ARRDC5: variants seen among roughly 807,000 people sequenced by gnomAD.
ARRDC5 encodes arrestin domain-containing protein 5.
In ARRDC5, 12 loss-of-function variants were observed where a neutral mutation model predicts 13.3. The ratio of observed to expected loss-of-function variants is 0.90; its 90% CI spans 0.58 to 1.46. The LOEUF (loss-of-function observed/expected upper bound fraction) is 1.46, where lower values mean the gene tolerates loss of function less well. ARRDC5 is among the 40% of genes most tolerant of loss of function. The pLI, the probability that ARRDC5 is intolerant of heterozygous loss-of-function variation, is 0.00. For missense variants in ARRDC5, 406 were observed against 418.7 expected (o/e 0.97, Z 0.26); for synonymous variants, 181 against 173.4 (o/e 1.04, Z -0.34).
At chr19:4,906,752 C>CAAAAAGAAAAAGAA (rs1013086630), upstream of ARRDC5, among the ~76,000 whole-genome samples, 2 of 151,892 alleles carry the variant, frequency 1.3e-5, no homozygotes. Context: ...GACTCCATCT[C>CAAAAAGAAAAAGAA]AAAAAGAAAA....
chr19:4,908,113 T>C, the ARRDC5 span, among the ~76,000 whole-genome samples: 1 of 152,220 alleles, frequency 6.6e-6, no homozygotes, highest in African/African-American at 2.4e-5. Context: ...AAGGACATTG[T>C]GCCCACCTGG....
intron 1 of ARRDC5, among the ~76,000 whole-genome samples, chr19:4,897,488 G>T (rs1265661670): frequency 1.3e-5 from 2 of 152,140 alleles, no homozygotes; most frequent in South Asian, 2.1e-4. Flanking sequence ...GAAAGTGGAA[G>T]TCAGGCCTTC....
chr19:4,891,154 G>A lies in ARRDC5; in HGVS notation c.879C>T (p.Ser293=), dbSNP rs1568392029. 2 of 1,614,000 alleles carry A rather than the reference G, an allele frequency of 1.2e-6. No individual in the cohort carries two copies. Among genetic ancestry groups the A allele is most frequent in the Non-Finnish European group, 1.7e-6 (2 of 1,179,884 alleles). ...TGATGATGGGAACTTTGGCCTTGAG[G>A]CTGGTCAGGGACCAGGGCAGGTGCA... ...TTVHLPWSLT[S]LKAKVPIIIT... Residue 293 remains serine (S), a synonymous_variant, in exon 3 of 3, where the codon AGC becomes AGT. Transcript: ENST00000650722.
the ARRDC5 span, among the ~76,000 whole-genome samples, chr19:4,914,435 C>T: frequency 3.3e-5 from 5 of 152,028 alleles, no homozygotes; most frequent in African/African-American, 9.7e-5. Context: ...GGCCTAGCAG[C>T]CCAAGGTCTG....
At chr19:4,894,703 A>G (rs919093238) in intron 2 of ARRDC5, among the ~76,000 whole-genome samples, 3 of 120,288 alleles carry the variant, frequency 2.5e-5, no homozygotes, top group South Asian at 3.1e-4. Flanking sequence ...AAAGAAGAAG[A>G]AGGAGAAGGA....
At chr19:4,909,912 G>A in the ARRDC5 span, among the ~76,000 whole-genome samples, 2 of 151,344 alleles carry the variant, frequency 1.3e-5, no homozygotes, top group African/African-American at 2.4e-5. Context: ...CTGGCGAGCC[G>A]CCGGGGAGGA....
chr19:4,902,520 T>A, intron 1 of ARRDC5, 53 bp downstream of exon 1: 1 of 1,567,600 alleles, frequency 6.4e-7, no homozygotes, highest in South Asian at 1.1e-5. Context: ...GTGTTTATTT[T>A]CCAGACCCAG....
chr19:4,900,467 C>T (rs933143933), intron 1 of ARRDC5, among the ~76,000 whole-genome samples: 6 of 152,206 alleles, frequency 3.9e-5, no homozygotes, highest in South Asian at 2.1e-4. Context: ...TTATTCTAAG[C>T]GCTTTATGTG....
intron 1 of ARRDC5, among the ~76,000 whole-genome samples, chr19:4,898,065 T>C (rs538504505): frequency 1.3e-5 from 2 of 151,986 alleles, no homozygotes; most frequent in East Asian, 1.9e-4. Context: ...CCAGCCTGGG[T>C]GACAGAGCGA....
At chr19:4,913,410 C>T in the ARRDC5 span, among the ~76,000 whole-genome samples, 3 of 151,770 alleles carry the variant, frequency 2.0e-5, no homozygotes, top group Admixed American at 1.3e-4. Context: ...CCCACCACCA[C>T]GCCTGATTAA....
At chr19:4,902,989 G>T, upstream of ARRDC5, 3 of 899,628 alleles carry the variant, frequency 3.3e-6, no homozygotes, top group Non-Finnish European at 5.0e-6. Flanking sequence ...TGTTGTTTAG[G>T]GTGGGTGGTT....
chr19:4,909,283 C>T, the ARRDC5 span: 1 of 532,764 alleles, frequency 1.9e-6, no homozygotes, highest in Non-Finnish European at 3.3e-6. Flanking sequence ...TGCCACGCAG[C>T]CCCTTTGCAC....
chr19:4,895,735 T>C (rs962650047), intron 2 of ARRDC5, among the ~76,000 whole-genome samples: 4 of 152,158 alleles, frequency 2.6e-5, no homozygotes, highest in Non-Finnish European at 5.9e-5. Flanking sequence ...TGTACATGCC[T>C]CTCTCCCACC....
In ARRDC5 at chr19:4,893,886, CAA is replaced by C. The variant is rs35680888; in HGVS notation, c.460-2315_460-2314del. On this transcript the variant is annotated intron_variant, in intron 2 of 2. Transcript: ENST00000650722. Reference sequence around the variant, plus strand: ...TGAAACCCCATCTCTACTAAAAATACAAAAAAAAAAAAATAGCCAGGCGTGGT... The same window carrying C: ...TGAAACCCCATCTCTACTAAAAATACAAAAAAAAAAATAGCCAGGCGTGGT... Among the ~76,000 whole-genome samples the C allele has an allele frequency of 1.4e-3, 194 of 139,992 alleles. 1 individual carries two copies. The highest frequency in any genetic ancestry group is 3.6e-3 in the Middle Eastern group (1 of 274). The allele number at this position is 139,992 out of a possible 152,430, so 91.8% of individuals were successfully genotyped here. A position where few individuals can be genotyped will look rare whatever the true frequency, so the allele number is the denominator to read the frequency against.
At position 4,899,764 on chromosome 19, in the gene ARRDC5, C is replaced by CTA. The variant is rs1424989852; in HGVS notation, c.253+2808_253+2809insTA. Among the ~76,000 whole-genome samples, 4 of 67,984 alleles carry CTA rather than the reference C, an allele frequency of 5.9e-5. 1 individual carries two copies. Among genetic ancestry groups the CTA allele is most frequent in the Non-Finnish European group, 8.4e-5 (3 of 35,612 alleles). 44.6% of individuals were successfully genotyped at this position (67,984 alleles called of 152,430 possible). A position where few individuals can be genotyped will look rare whatever the true frequency, so the allele number is the denominator to read the frequency against. ...TTAACACGGTGAAACCCCGTCTCTA[C>CTA]AAAAAAAAAAAAAAAAAAAAAAAAA... On this transcript the variant is annotated intron_variant, in intron 1 of 2. Coordinates refer to ENST00000650722, the MANE Select transcript of ARRDC5 (RefSeq NM_001080523.3).
chr19:4,894,037 G>A (rs1449305060), intron 2 of ARRDC5, among the ~76,000 whole-genome samples: 2 of 120,760 alleles, frequency 1.7e-5, no homozygotes, highest in Non-Finnish European at 3.3e-5. Context: ...GACAGAGCAA[G>A]ACTCTGCCTA....
the ARRDC5 span, among the ~76,000 whole-genome samples, chr19:4,913,443 C>T: frequency 2.6e-5 from 4 of 152,014 alleles, no homozygotes; most frequent in Admixed American, 1.3e-4. Flanking sequence ...TTAGTAGAGA[C>T]GGAGTTTCAC....
At chr19:4,912,174 C>A in the ARRDC5 span, among the ~76,000 whole-genome samples, 1 of 152,154 alleles carries the variant, frequency 6.6e-6, no homozygotes, top group Admixed American at 6.6e-5. Flanking sequence ...CGGGAGGAGG[C>A]GATCTGGAGA....
intron 1 of ARRDC5, among the ~76,000 whole-genome samples, chr19:4,900,668 T>C (rs2031885288): frequency 6.6e-6 from 1 of 152,162 alleles, no homozygotes; most frequent in Non-Finnish European, 1.5e-5. Context: ...CTGTGCTTGG[T>C]TGTTCCCTCT....
Sources: allele counts gnomAD v4.1 joint callset (sites outside exome capture counted in the v4.1 genomes callset), GRCh38; gene constraint gnomAD v4.1.1; transcripts MANE v1.5; gene names NCBI Gene and HGNC (gene_info 2026-07-23, HGNC 2026-07-21).